The following CNTN4 variants were observed in gnomAD, a reference collection of about 807,000 sequenced individuals.
The protein encoded by CNTN4 is contactin 4.
A neutral mutation model predicts 122.5 loss-of-function variants in CNTN4; 77 were observed. The observed-to-expected ratio is 0.63, with a 90% confidence interval of 0.52 to 0.76. CNTN4 has a LOEUF of 0.76. Ranked by LOEUF, CNTN4 falls within the 30% of genes least tolerant of loss-of-function variation. The pLI, the probability that CNTN4 is intolerant of heterozygous loss-of-function variation, is 0.00. For missense variants in CNTN4, 1,256 were observed against 1,259.1 expected, an observed-to-expected ratio of 1.00 and a Z score of 0.04; for synonymous variants, 512 against 447.0, an observed-to-expected ratio of 1.15 and a Z score of -1.83.
intron 4 of CNTN4, among the ~76,000 whole-genome samples, chr3:2,707,434 T>C (rs950882975): frequency 2.0e-5 from 3 of 152,186 alleles, no homozygotes; most frequent in Non-Finnish European, 2.9e-5. Flanking sequence ...ATTCAACTCT[T>C]AATTCCAAAG....
Position 3,030,948 on chromosome 3 carries a change from T to C in CNTN4, c.1756T>C (p.Ser586Pro). The part of the protein sequence containing the change: ...CMVQTSVDRL[S>P]AAADLIVRGP... ...GGTCCAAACAAGTGTGGACAGGCTA[T>C]CTGCTGCTGCAGACCTGATTGTAAG... The change falls in exon 16 of 25, where the codon TCT (serine) becomes CCT (proline). Residue 586 changes from serine to proline, a missense_variant. Transcript: ENST00000418658. 6.2e-7 allele frequency: 1 copy of C among 1,614,106 alleles called. No homozygotes were observed. Among genetic ancestry groups the C allele is most frequent in the African/African-American group, 1.3e-5 (1 of 75,050 alleles).
At chr3:2,275,130 C>T (rs953334644) in intron 2 of CNTN4, among the ~76,000 whole-genome samples, 2 of 152,158 alleles carry the variant, frequency 1.3e-5, no homozygotes, top group African/African-American at 4.8e-5. Flanking sequence ...TCTACGTTGC[C>T]TGTTTATCAG....
intron 3 of CNTN4, among the ~76,000 whole-genome samples, chr3:2,377,930 G>A (rs900509472): frequency 6.6e-6 from 1 of 152,124 alleles, no homozygotes; most frequent in Non-Finnish European, 1.5e-5. Context: ...CCAATGTAAA[G>A]ATTTATTTTT....
intron 4 of CNTN4, among the ~76,000 whole-genome samples, chr3:2,613,587 G>A (rs1288668339): frequency 2.0e-5 from 3 of 152,016 alleles, no homozygotes; most frequent in Non-Finnish European, 2.9e-5. Flanking sequence ...CATGTATATT[G>A]TACTTTTTGG....
chr3:2,596,061 T>C (rs2080755791), intron 4 of CNTN4, among the ~76,000 whole-genome samples: 1 of 152,220 alleles, frequency 6.6e-6, no homozygotes, highest in African/African-American at 2.4e-5. Flanking sequence ...AATAACACTA[T>C]AGCATGTGCC....
intron 3 of CNTN4, among the ~76,000 whole-genome samples, chr3:2,499,228 G>C (rs1428219862): frequency 6.6e-6 from 1 of 152,178 alleles, no homozygotes; most frequent in African/African-American, 2.4e-5. Context: ...TGTAGTGTGA[G>C]ATTTAGGTTG....
At chr3:2,904,770 T>C (rs1173335489) in intron 12 of CNTN4, among the ~76,000 whole-genome samples, 2 of 152,184 alleles carry the variant, frequency 1.3e-5, no homozygotes, top group Non-Finnish European at 2.9e-5. Flanking sequence ...TACTCTACTC[T>C]ATATCAGCTA....
chr3:2,627,516 T>C (rs1420009791), intron 4 of CNTN4, among the ~76,000 whole-genome samples: 20 of 140,630 alleles, frequency 1.4e-4, no homozygotes, highest in East Asian at 4.1e-4. Flanking sequence ...TTTTTTGAGA[T>C]GGAATCTCAC....
At chr3:2,996,165 G>T (rs1201626249) in intron 14 of CNTN4, among the ~76,000 whole-genome samples, 1 of 152,092 alleles carries the variant, frequency 6.6e-6, no homozygotes. Context: ...GGTAATATCT[G>T]TTTGGGTAAA....
chr3:2,493,893 G>A (rs72622136), intron 3 of CNTN4, among the ~76,000 whole-genome samples: 5,819 of 152,116 alleles, frequency 0.038, 176 homozygotes, highest in East Asian at 0.15. Context: ...GAGCTTTAGT[G>A]GCTATCTTGG....
At chr3:2,459,789 T>A (rs1259024256) in intron 3 of CNTN4, among the ~76,000 whole-genome samples, 1 of 152,176 alleles carries the variant, frequency 6.6e-6, no homozygotes, top group Admixed American at 6.6e-5. Flanking sequence ...AACCAATGTG[T>A]CCACAGGGCA....
chr3:2,729,409 G>T (rs2088495137), intron 4 of CNTN4, among the ~76,000 whole-genome samples: 1 of 150,852 alleles, frequency 6.6e-6, no homozygotes, highest in Non-Finnish European at 1.5e-5. Flanking sequence ...GCCGGGCGTG[G>T]TGGCAGGCGC....
intron 14 of CNTN4, among the ~76,000 whole-genome samples, chr3:3,012,974 T>TA (rs1257205217): frequency 1.3e-5 from 2 of 151,596 alleles, no homozygotes; most frequent in African/African-American, 4.8e-5. Context: ...ATCTAAAAAA[T>TA]AAAAAAATAA....
At chr3:2,102,139 A>G (rs1438710810) in intron 2 of CNTN4, among the ~76,000 whole-genome samples, 9 of 152,234 alleles carry the variant, frequency 5.9e-5, no homozygotes, top group Non-Finnish European at 1.3e-4. Context: ...GTTTTAGTTT[A>G]AAGACTAAGT....
intron 4 of CNTN4, among the ~76,000 whole-genome samples, chr3:2,637,382 T>A (rs1190245231): frequency 6.6e-6 from 1 of 152,204 alleles, no homozygotes; most frequent in Non-Finnish European, 1.5e-5. Flanking sequence ...ATTCCAGGTA[T>A]GGCTTCCAAA....
At chr3:2,163,100 T>C (rs771212948) in intron 2 of CNTN4, among the ~76,000 whole-genome samples, 2 of 152,130 alleles carry the variant, frequency 1.3e-5, no homozygotes, top group Non-Finnish European at 2.9e-5. Flanking sequence ...CTGTCTCAAA[T>C]TATACTACAA....
chr3:2,899,046 T>A (rs1301487649), intron 10 of CNTN4, among the ~76,000 whole-genome samples: 1 of 152,200 alleles, frequency 6.6e-6, no homozygotes, highest in Non-Finnish European at 1.5e-5. Context: ...CCTTTTGGCC[T>A]CCCCTCATAT....
chr3:2,959,376 T>C (rs919403474), intron 13 of CNTN4, among the ~76,000 whole-genome samples: 1 of 152,172 alleles, frequency 6.6e-6, no homozygotes, highest in African/African-American at 2.4e-5. Flanking sequence ...TTTAAAAATG[T>C]AAACACCTAA....
intron 4 of CNTN4, among the ~76,000 whole-genome samples, chr3:2,604,745 G>C (rs1336613721): frequency 6.6e-6 from 1 of 152,108 alleles, no homozygotes; most frequent in Non-Finnish European, 1.5e-5. Flanking sequence ...TGTGTCTAGA[G>C]ATAAGAATAC....
Sources: gnomAD v4.1 joint callset for allele counts (sites outside exome capture counted in the v4.1 genomes callset) on GRCh38, gnomAD v4.1.1 for gene constraint, MANE v1.5 for transcripts, NCBI Gene and HGNC (gene_info 2026-07-23, HGNC 2026-07-21) for gene names.